Variants in ZNF487 observed in about 807,000 individuals in gnomAD.
ZNF487 encodes KRAB domain only 1.
ZNF487 carries 4 observed loss-of-function variants against 3.0 expected under a neutral mutation model. That is an observed-to-expected ratio of 1.35 (90% confidence interval 0.66 to 3.08). The LOEUF (loss-of-function observed/expected upper bound fraction) is 3.08. Among genes scored for constraint, ZNF487 ranks in the 30% most tolerant of loss-of-function variants. ZNF487 has a pLI of 0.01. For missense variants in ZNF487, 146 were observed against 98.7 expected, an observed-to-expected ratio of 1.48 and a Z score of -2.03; for synonymous variants, 55 against 34.6, an observed-to-expected ratio of 1.59 and a Z score of -2.06.
chr10:43,487,416 G>A (rs1394677778), downstream of ZNF487, among the ~76,000 whole-genome samples: 1 of 151,472 alleles, frequency 6.6e-6, no homozygotes, highest in Non-Finnish European at 1.5e-5. Context: ...TGGGATTACA[G>A]GCGTGAGCCA....
chr10:43,460,621 C>T (rs781003903), intron 1 of ZNF487, among the ~76,000 whole-genome samples: 206 of 151,524 alleles, frequency 1.4e-3, no homozygotes, highest in Non-Finnish European at 2.2e-3. Context: ...AGATGCCACC[C>T]GCCTCAGCCT....
chr10:43,446,570 C>T (rs1305897161), intron 1 of ZNF487, among the ~76,000 whole-genome samples: 1 of 150,138 alleles, frequency 6.7e-6, no homozygotes, highest in Non-Finnish European at 1.5e-5. Context: ...GGCGGCCGGG[C>T]AGAGGCGCTC....
At chr10:43,459,932 G>C (rs906942517) in intron 1 of ZNF487, among the ~76,000 whole-genome samples, 1 of 151,652 alleles carries the variant, frequency 6.6e-6, no homozygotes, top group Non-Finnish European at 1.5e-5. Context: ...CTCCCGAGTA[G>C]CTGGGACTAC....
chr10:43,457,579 AAAAG>A (rs1214071944), intron 1 of ZNF487, among the ~76,000 whole-genome samples: 5 of 150,676 alleles, frequency 3.3e-5, no homozygotes, highest in Non-Finnish European at 7.4e-5. Context: ...AAAAAAAAGA[AAAAG>A]AAAAGAATTC....
intron 1 of ZNF487, among the ~76,000 whole-genome samples, chr10:43,465,065 C>T (rs1353282433): frequency 1.4e-5 from 2 of 147,760 alleles, no homozygotes; most frequent in Non-Finnish European, 3.0e-5. Context: ...CCCCACCTCC[C>T]TCCCGGGGCG....
At chr10:43,503,365 G>A in the ZNF487 span, among the ~76,000 whole-genome samples, 1 of 152,140 alleles carries the variant, frequency 6.6e-6, no homozygotes, top group Admixed American at 6.6e-5. Flanking sequence ...GATTACAAAA[G>A]AGTCAAAATG....
Position 43,456,705 on chromosome 10 carries a change from A to G in ZNF487, c.-93-19016A>G, listed in dbSNP as rs374588544. Among the ~76,000 whole-genome samples, 223 of 152,084 alleles carry G rather than the reference A, an allele frequency of 1.5e-3. 1 individual carries two copies. The highest frequency in any genetic ancestry group is 5.1e-3 in the African/African-American group (212 of 41,476). ...AAGCGATTCTCCTGCCTCAGCCTCC[A>G]GAGTAGCTGAGATTACAGGTGCGCG... On this transcript the variant is annotated intron_variant, in intron 1 of 3. Transcript: ENST00000437590.
At chr10:43,492,160 T>C in the ZNF487 span, among the ~76,000 whole-genome samples, 1 of 151,800 alleles carries the variant, frequency 6.6e-6, no homozygotes, top group African/African-American at 2.4e-5. Context: ...TTGCCCAGGC[T>C]ACCGCCAGTT....
chr10:43,489,277 T>C, the ZNF487 span, among the ~76,000 whole-genome samples: 2 of 152,180 alleles, frequency 1.3e-5, no homozygotes, highest in African/African-American at 4.8e-5. Context: ...ATAGAAAGAC[T>C]CCATTTCTAA....
the ZNF487 span, among the ~76,000 whole-genome samples, chr10:43,491,387 C>T: frequency 6.6e-6 from 1 of 151,558 alleles, no homozygotes; most frequent in Admixed American, 6.6e-5. Context: ...TGTGTGGGTT[C>T]CCTCAGACCT....
chr10:43,519,871 A>T, the ZNF487 span, among the ~76,000 whole-genome samples: 1 of 152,190 alleles, frequency 6.6e-6, no homozygotes, highest in Non-Finnish European at 1.5e-5. Context: ...TGGTAAAGTC[A>T]CCTAGATGTC....
the ZNF487 span, among the ~76,000 whole-genome samples, chr10:43,498,790 A>C: frequency 1.3e-5 from 2 of 151,870 alleles, no homozygotes; most frequent in African/African-American, 4.8e-5. Flanking sequence ...AAAATACAAA[A>C]AATTAGCCGG....
chr10:43,468,104 G>C (rs2132114940), intron 1 of ZNF487, among the ~76,000 whole-genome samples: 1 of 152,278 alleles, frequency 6.6e-6, no homozygotes, highest in South Asian at 2.1e-4. Context: ...ATTAGAAGTG[G>C]AGCCTGCAGA....
chr10:43,487,732 G>A (rs1841482274), downstream of ZNF487, among the ~76,000 whole-genome samples: 1 of 151,940 alleles, frequency 6.6e-6, no homozygotes, highest in African/African-American at 2.4e-5. Flanking sequence ...GATTACAGGC[G>A]TGAGTCACTG....
chr10:43,512,675 A>G, the ZNF487 span, among the ~76,000 whole-genome samples: 1 of 152,120 alleles, frequency 6.6e-6, no homozygotes, highest in African/African-American at 2.4e-5. Flanking sequence ...GCACCATTGG[A>G]TCTGTTGGGT....
chr10:43,501,132 C>T, the ZNF487 span, among the ~76,000 whole-genome samples: 2 of 152,018 alleles, frequency 1.3e-5, no homozygotes, highest in African/African-American at 4.8e-5. Context: ...GTATGGAATA[C>T]TGTAGACAAT....
At chr10:43,495,385 AG>A in the ZNF487 span, among the ~76,000 whole-genome samples, 7 of 152,042 alleles carry the variant, frequency 4.6e-5, no homozygotes, top group Admixed American at 1.3e-4. Flanking sequence ...CTGGGATTAC[AG>A]GTGTATGCCG....
chr10:43,481,256 G>C (rs2132155801), intron 3 of ZNF487, among the ~76,000 whole-genome samples, 173 bp from the exon 4 acceptor site: 1 of 151,898 alleles, frequency 6.6e-6, no homozygotes, highest in East Asian at 1.9e-4. Context: ...ACCTGAGCCT[G>C]GGAGGTTGAG....
chr10:43,506,192 C>T, the ZNF487 span, among the ~76,000 whole-genome samples: 1 of 152,148 alleles, frequency 6.6e-6, no homozygotes, highest in Non-Finnish European at 1.5e-5. Flanking sequence ...GATGAAGTCC[C>T]TGAGCCGAAA....
Sources: gnomAD v4.1 joint callset for allele counts (sites outside exome capture counted in the v4.1 genomes callset) on GRCh38, gnomAD v4.1.1 for gene constraint, MANE v1.5 for transcripts, NCBI Gene and HGNC (gene_info 2026-07-23, HGNC 2026-07-21) for gene names.